The following MDGA2 variants were observed in gnomAD, a reference collection of about 807,000 sequenced individuals.
The protein encoded by MDGA2 is MAM domain-containing glycosylphosphatidylinositol anchor protein 2.
Under a neutral mutation model 117.8 loss-of-function variants are expected in MDGA2, and 40 were observed. The ratio of observed to expected loss-of-function variants is 0.34; its 90% confidence interval spans 0.26 to 0.44. The LOEUF (loss-of-function observed/expected upper bound fraction) is 0.44, where lower values mean the gene tolerates loss of function less well. MDGA2 is among the 20% of genes least tolerant of loss of function. The probability of loss-of-function intolerance (pLI) is 1.00; values close to 1 mark genes in which losing one functional copy is unlikely to be tolerated. For missense variants in MDGA2, 1,123 were observed against 1,250.6 expected, an observed-to-expected ratio of 0.90 and a Z score of 1.54; for synonymous variants, 452 against 439.0, an observed-to-expected ratio of 1.03 and a Z score of -0.37.
At chr14:47,185,224 C>A (rs1884863409) in intron 3 of MDGA2, among the ~76,000 whole-genome samples, 1 of 150,602 alleles carries the variant, frequency 6.6e-6, no homozygotes, top group African/African-American at 2.4e-5. Context: ...ATTATGGAAG[C>A]ACTATTAATG....
chr14:46,883,113 C>T (rs966725380), intron 10 of MDGA2, among the ~76,000 whole-genome samples: 16 of 152,078 alleles, frequency 1.1e-4, no homozygotes, highest in Non-Finnish European at 1.6e-4. Flanking sequence ...CAATAACTCT[C>T]CAGCTATGTT....
intron 2 of MDGA2, among the ~76,000 whole-genome samples, chr14:47,253,942 T>C (rs373874809): frequency 2.5e-4 from 38 of 152,354 alleles, no homozygotes; most frequent in African/African-American, 7.7e-4. Context: ...AAACAGCACA[T>C]GTAAGCTGCC....
At chr14:47,505,006 T>C (rs1362949940) in intron 1 of MDGA2, among the ~76,000 whole-genome samples, 2 of 152,176 alleles carry the variant, frequency 1.3e-5, no homozygotes, top group Admixed American at 6.5e-5. Context: ...GGACTTACTA[T>C]TCAGCCATGA....
intron 5 of MDGA2, among the ~76,000 whole-genome samples, chr14:47,104,663 C>A (rs1262831594): frequency 1.3e-5 from 2 of 152,092 alleles, no homozygotes; most frequent in Non-Finnish European, 2.9e-5. Flanking sequence ...GGTCTCTTCA[C>A]ACGGACGTGC....
intron 2 of MDGA2, among the ~76,000 whole-genome samples, chr14:47,290,610 A>C (rs191489572): frequency 2.3e-3 from 357 of 152,246 alleles, no homozygotes; most frequent in Non-Finnish European, 4.3e-3. Flanking sequence ...CTATAAGAAA[A>C]TAAAAGTACA....
chr14:47,310,622 T>C (rs572280932), intron 1 of MDGA2, among the ~76,000 whole-genome samples: 2 of 152,244 alleles, frequency 1.3e-5, no homozygotes, highest in African/African-American at 4.8e-5. Flanking sequence ...GTTCCTTTTT[T>C]TATATTGGAT....
At chr14:46,914,125 T>C (rs61992765) in intron 10 of MDGA2, among the ~76,000 whole-genome samples, 136 of 152,250 alleles carry the variant, frequency 8.9e-4, no homozygotes, top group Non-Finnish European at 1.4e-3. Flanking sequence ...TCAAATGAAG[T>C]AAAATGATGT....
intron 1 of MDGA2, among the ~76,000 whole-genome samples, chr14:47,386,775 T>C (rs1288392432): frequency 2.0e-5 from 3 of 152,198 alleles, no homozygotes; most frequent in African/African-American, 7.2e-5. Flanking sequence ...GGCTGCAGCA[T>C]GACTCAGTGT....
At chr14:47,113,440 C>T (rs1881154368) in intron 5 of MDGA2, among the ~76,000 whole-genome samples, 1 of 152,110 alleles carries the variant, frequency 6.6e-6, no homozygotes, top group Non-Finnish European at 1.5e-5. Context: ...AGTACCAAAA[C>T]CTGGCAGAGA....
chr14:47,181,855 A>T (rs1446743124), intron 3 of MDGA2, among the ~76,000 whole-genome samples: 4 of 152,172 alleles, frequency 2.6e-5, no homozygotes, highest in African/African-American at 9.6e-5. Context: ...CTATGTCCTA[A>T]ACACAATTTT....
intron 1 of MDGA2, among the ~76,000 whole-genome samples, chr14:47,415,151 A>C (rs1046664152): frequency 6.6e-6 from 1 of 152,140 alleles, no homozygotes. Flanking sequence ...AGTAATTTCT[A>C]TATCAGTAAC....
chr14:47,158,014 C>T (rs1883469874), intron 3 of MDGA2, among the ~76,000 whole-genome samples: 1 of 151,662 alleles, frequency 6.6e-6, no homozygotes, highest in Non-Finnish European at 1.5e-5. Context: ...TATACACACA[C>T]ACACACACAC....
At chr14:47,575,166 A>G (rs1446127490) in intron 1 of MDGA2, among the ~76,000 whole-genome samples, 1 of 152,222 alleles carries the variant, frequency 6.6e-6, no homozygotes, top group African/African-American at 2.4e-5. Context: ...CAATCAATAT[A>G]TTAACTTTGC....
chr14:47,345,058 AT>A (rs948381254), intron 1 of MDGA2, among the ~76,000 whole-genome samples: 1 of 151,988 alleles, frequency 6.6e-6, no homozygotes, highest in Non-Finnish European at 1.5e-5. Context: ...AAATGTCTAC[AT>A]TTTTTTTCTC....
At chr14:47,410,552 A>T (rs1348618815) in intron 1 of MDGA2, among the ~76,000 whole-genome samples, 1 of 152,132 alleles carries the variant, frequency 6.6e-6, no homozygotes, top group Non-Finnish European at 1.5e-5. Flanking sequence ...AGCAACTATA[A>T]TCACTTACAT....
chr14:47,445,855 A>G (rs909463630), intron 1 of MDGA2, among the ~76,000 whole-genome samples: 26 of 152,208 alleles, frequency 1.7e-4, no homozygotes, highest in African/African-American at 6.3e-4. Flanking sequence ...CAGAAAAAGC[A>G]AACCAATGAG....
intron 2 of MDGA2, among the ~76,000 whole-genome samples, chr14:47,269,855 T>C (rs1751821992): frequency 6.6e-6 from 1 of 152,166 alleles, no homozygotes; most frequent in Non-Finnish European, 1.5e-5. Flanking sequence ...TCTTTCAACA[T>C]ATGACAAAAG....
intron 1 of MDGA2, among the ~76,000 whole-genome samples, chr14:47,473,317 T>C (rs1188344943): frequency 6.6e-6 from 1 of 152,138 alleles, no homozygotes; most frequent in South Asian, 2.1e-4. Flanking sequence ...GTTCCAAAAA[T>C]ATGCCATGGA....
intron 1 of MDGA2, among the ~76,000 whole-genome samples, chr14:47,447,738 T>C (rs1342484098): frequency 6.6e-6 from 1 of 152,154 alleles, no homozygotes; most frequent in Non-Finnish European, 1.5e-5. Flanking sequence ...TTACCATCAG[T>C]AGAAATGATT....
Sources: gnomAD v4.1 joint callset for allele counts (sites outside exome capture counted in the v4.1 genomes callset) on GRCh38, gnomAD v4.1.1 for gene constraint, MANE v1.5 for transcripts, NCBI Gene and HGNC (gene_info 2026-07-23, HGNC 2026-07-21) for gene names.